CNTN5: variants seen among roughly 807,000 people sequenced by gnomAD.
CNTN5 encodes contactin 5.
Under a neutral mutation model 129.1 loss-of-function variants are expected in CNTN5, and 77 were observed. The observed-to-expected ratio is 0.60, with a 90% CI of 0.50 to 0.72. The LOEUF (loss-of-function observed/expected upper bound fraction) is 0.72, where lower values mean the gene tolerates loss of function less well. Ranked by LOEUF, CNTN5 falls within the 30% of genes least tolerant of loss-of-function variation. The pLI is 0.00. For missense variants in CNTN5, 1,478 were observed against 1,328.8 expected (o/e 1.11, Z -1.75); for synonymous variants, 509 against 465.6 (o/e 1.09, Z -1.20).
intron 1 of CNTN5, among the ~76,000 whole-genome samples, chr11:99,111,527 A>G (rs1172589466): frequency 6.6e-6 from 1 of 152,092 alleles, no homozygotes; most frequent in African/African-American, 2.4e-5. Flanking sequence ...GAATACAGAA[A>G]ATTACGGAGT....
At chr11:100,030,686 T>C (rs898853221) in intron 9 of CNTN5, among the ~76,000 whole-genome samples, 4 of 150,972 alleles carry the variant, frequency 2.6e-5, no homozygotes, top group African/African-American at 9.7e-5. Context: ...CATAGAGAAA[T>C]ATTTTCTCTC....
chr11:99,680,766 G>A (rs1344477231), intron 3 of CNTN5, among the ~76,000 whole-genome samples: 1 of 151,964 alleles, frequency 6.6e-6, no homozygotes, highest in Admixed American at 6.6e-5. Flanking sequence ...GGCTGTAGCT[G>A]TATGGCAGCT....
At chr11:99,900,068 C>A (rs1389898241) in intron 6 of CNTN5, among the ~76,000 whole-genome samples, 1 of 151,888 alleles carries the variant, frequency 6.6e-6, no homozygotes, top group Non-Finnish European at 1.5e-5. Context: ...TCATCTTGAT[C>A]ATTTCTGATT....
At chr11:99,473,157 T>G (rs527356033) in intron 2 of CNTN5, among the ~76,000 whole-genome samples, 4 of 152,208 alleles carry the variant, frequency 2.6e-5, no homozygotes, top group Non-Finnish European at 5.9e-5. Flanking sequence ...ATTTTTCTCA[T>G]GTAGACAAAT....
intron 3 of CNTN5, among the ~76,000 whole-genome samples, chr11:99,560,673 A>T (rs187240229): frequency 6.6e-6 from 1 of 152,148 alleles, no homozygotes; most frequent in African/African-American, 2.4e-5. Context: ...AGTCTGCAAA[A>T]CTAAAGGCAA....
chr11:99,483,471 C>T (rs994016426), intron 2 of CNTN5, among the ~76,000 whole-genome samples: 3 of 152,110 alleles, frequency 2.0e-5, no homozygotes, highest in South Asian at 2.1e-4. Context: ...TTAAACTCCA[C>T]GATTTTGTCT....
intron 1 of CNTN5, among the ~76,000 whole-genome samples, chr11:99,195,789 C>G (rs886396411): frequency 8.6e-5 from 13 of 151,798 alleles, no homozygotes; most frequent in Admixed American, 2.0e-4. Context: ...TTGCAGTATT[C>G]TATATTTATA....
In CNTN5 at chr11:99,512,220, C is replaced by G. The variant is rs367765977; in HGVS notation, c.-70-43925C>G. ...TTCTTTCATACCACATTTTGCTATA[C>G]CTTTAATACATTTAGATACATGCGT... On this transcript the variant is annotated intron_variant, in intron 2 of 24. Transcript: ENST00000524871. Among the ~76,000 whole-genome samples the G allele has an allele frequency of 1.1e-4, 17 of 152,210 alleles. No individual in the cohort carries two copies. The East Asian group carries it at 2.7e-3, about 24-fold the overall frequency.
intron 3 of CNTN5, among the ~76,000 whole-genome samples, chr11:99,671,076 C>G (rs191758799): frequency 6.6e-6 from 1 of 151,744 alleles, no homozygotes. Context: ...TGCTCTCTCT[C>G]GCTTTCTTGT....
At position 99,434,294 on chromosome 11, in the gene CNTN5, C is replaced by G. The variant is rs1368253636; in HGVS notation, c.-71+108810C>G. Among the ~76,000 whole-genome samples the G allele has an allele frequency of 2.6e-5, 4 of 152,050 alleles. No individual in the cohort carries two copies. In the East Asian group the frequency reaches 7.7e-4, roughly 29 times the overall value. ...GAAAAAACAGTAGATAATATACATTCTTTTGGAAATATTTTGCCATTTCTA... is the reference window on the plus strand; with the variant it reads ...GAAAAAACAGTAGATAATATACATTGTTTTGGAAATATTTTGCCATTTCTA... On this transcript the variant is annotated intron_variant, in intron 2 of 24. Coordinates refer to ENST00000524871, the MANE Select transcript of CNTN5 (RefSeq NM_014361.4).
chr11:100,174,123 T>C (rs1947896290), intron 13 of CNTN5, among the ~76,000 whole-genome samples: 1 of 152,098 alleles, frequency 6.6e-6, no homozygotes, highest in Non-Finnish European at 1.5e-5. Flanking sequence ...ACAGCATAGT[T>C]AAAGGCAACG....
chr11:99,544,489 T>C (rs113214546), intron 2 of CNTN5, among the ~76,000 whole-genome samples: 1 of 152,224 alleles, frequency 6.6e-6, no homozygotes, highest in Non-Finnish European at 1.5e-5. Context: ...ATTATCTGCT[T>C]GAAGAACTGA....
intron 3 of CNTN5, among the ~76,000 whole-genome samples, chr11:99,629,858 GATATAAA>G (rs1031705042): frequency 7.3e-5 from 11 of 151,294 alleles, no homozygotes; most frequent in Non-Finnish European, 1.3e-4. Context: ...GGTAATATTT[GATATAAA>G]ATATAAAAAT....
At chr11:99,681,919 A>G (rs1480011690) in intron 3 of CNTN5, among the ~76,000 whole-genome samples, 1 of 152,088 alleles carries the variant, frequency 6.6e-6, no homozygotes, top group African/African-American at 2.4e-5. Context: ...TAACAGTGAG[A>G]AAATTAGACT....
At chr11:100,055,093 T>G (rs1254254475) in intron 9 of CNTN5, among the ~76,000 whole-genome samples, 1 of 151,020 alleles carries the variant, frequency 6.6e-6, no homozygotes, top group African/African-American at 2.4e-5. Flanking sequence ...AAAAAGGATT[T>G]TGGAAAGAGA....
intron 5 of CNTN5, 33 bp from the exon 6 acceptor site, chr11:99,845,054 T>C: frequency 6.2e-7 from 1 of 1,611,810 alleles, no homozygotes; most frequent in Non-Finnish European, 8.5e-7. Context: ...TCAGGGAGGA[T>C]TATACATATT....
intron 1 of CNTN5, among the ~76,000 whole-genome samples, chr11:99,284,369 T>C (rs1270012907): frequency 2.0e-5 from 3 of 152,158 alleles, no homozygotes; most frequent in Non-Finnish European, 4.4e-5. Flanking sequence ...AAATTATATA[T>C]CAAGAAATTA....
chr11:99,610,318 T>A (rs1179064600), intron 3 of CNTN5, among the ~76,000 whole-genome samples: 9 of 152,152 alleles, frequency 5.9e-5, no homozygotes, highest in Non-Finnish European at 1.2e-4. Context: ...CTGGCCCTGA[T>A]GCATCATATT....
intron 8 of CNTN5, among the ~76,000 whole-genome samples, chr11:99,968,603 C>T (rs1314525118): frequency 6.9e-6 from 1 of 145,832 alleles, no homozygotes; most frequent in Non-Finnish European, 1.5e-5. Context: ...CTGTTATTTC[C>T]TGATTAGTCT....
Sources: gnomAD v4.1 joint callset for allele counts (sites outside exome capture counted in the v4.1 genomes callset) on GRCh38, gnomAD v4.1.1 for gene constraint, MANE v1.5 for transcripts, NCBI Gene and HGNC (gene_info 2026-07-23, HGNC 2026-07-21) for gene names.